The following EIF5B variants were observed in gnomAD, a reference collection of about 807,000 sequenced individuals.
The protein encoded by EIF5B is eIF-5B.
In EIF5B, 47 loss-of-function variants were observed where a neutral mutation model predicts 147.5. The observed-to-expected ratio is 0.32, with a 90% confidence interval of 0.25 to 0.41. The LOEUF (loss-of-function observed/expected upper bound fraction) is 0.41, where lower values mean the gene tolerates loss of function less well. Ranked by LOEUF, EIF5B falls within the 10% of genes least tolerant of loss-of-function variation. The probability of loss-of-function intolerance (pLI) is 1.00; values close to 1 mark genes in which losing one functional copy is unlikely to be tolerated. For missense variants in EIF5B, 1,064 were observed against 1,413.2 expected, an observed-to-expected ratio of 0.75 and a Z score of 3.96; for synonymous variants, 455 against 456.2, an observed-to-expected ratio of 1.00 and a Z score of 0.03.
chr2:99,369,622 T>C, intron 8 of EIF5B, 141 bp downstream of exon 8: 1 of 571,134 alleles, frequency 1.8e-6, no homozygotes, highest in Non-Finnish European at 3.0e-6. Context: ...TTCATAGTTC[T>C]TTCTTTTCTA....
At chr2:99,390,435 T>TG in intron 16 of EIF5B, 34 bp downstream of exon 16, 1 of 1,572,234 alleles carries the variant, frequency 6.4e-7, no homozygotes, top group Non-Finnish European at 8.6e-7. Flanking sequence ...TTGTTTTTTT[T>TG]TTTTTTAAAA....
chr2:99,350,695 C>T (rs867407351), intron 1 of EIF5B, among the ~76,000 whole-genome samples: 5 of 152,088 alleles, frequency 3.3e-5, no homozygotes, highest in African/African-American at 7.2e-5. Context: ...TATTTTCTCC[C>T]GTTCTATAGG....
At chr2:99,396,425 A>C (rs1160700481) in intron 21 of EIF5B, among the ~76,000 whole-genome samples, 1 of 152,208 alleles carries the variant, frequency 6.6e-6, no homozygotes, top group Non-Finnish European at 1.5e-5. Flanking sequence ...TCTAAGCCCC[A>C]GACTGTGGCT....
intron 6 of EIF5B, 147 bp downstream of exon 6, chr2:99,364,568 G>T (rs903351954): frequency 4.3e-6 from 3 of 703,502 alleles, no homozygotes; most frequent in Admixed American, 5.5e-5. Context: ...TAAGGAATAG[G>T]TGATGTCATT....
intron 12 of EIF5B, 100 bp downstream of exon 12, chr2:99,379,528 A>G (rs1674645475): frequency 2.4e-6 from 2 of 826,462 alleles, no homozygotes; most frequent in Admixed American, 3.0e-5. Context: ...TAACAGCTCC[A>G]TATACTCACC....
At chr2:99,371,788 T>C in intron 9 of EIF5B, 58 bp downstream of exon 9, 1 of 1,430,392 alleles carries the variant, frequency 7.0e-7, no homozygotes, top group Non-Finnish European at 9.5e-7. Flanking sequence ...ATGAATGATA[T>C]ATATTTAAAT....
rs1675352551 is a variant in EIF5B, at chr2:99,401,233, G to A, written c.*1819G>A. ...GCTATCAGAGAGCATCAGGCTCTCT[G>A]GTAATATTTATGTAACTTTTAATGT... On this transcript the variant is annotated 3_prime_UTR_variant, in exon 24 of 24. Coordinates refer to ENST00000289371, the MANE Select transcript of EIF5B (RefSeq NM_015904.4). 6.5e-7 allele frequency: 1 copy of A among 1,549,772 alleles called. No individual in the cohort carries two copies. Among genetic ancestry groups the A allele is most frequent in the African/African-American group, 1.4e-5 (1 of 73,586 alleles).
chr2:99,369,210 G>T (rs1674389973), intron 7 of EIF5B, among the ~76,000 whole-genome samples, 182 bp from the exon 8 acceptor site: 2 of 152,186 alleles, frequency 1.3e-5, no homozygotes, highest in African/African-American at 2.4e-5. Flanking sequence ...GGAGGTGGAG[G>T]TTGCAGTGAG....
chr2:99,399,460 G>A lies in EIF5B; in HGVS notation c.*46G>A. The A allele has an allele frequency of 6.4e-7, 1 of 1,550,692 alleles. No homozygotes were observed. Among genetic ancestry groups the A allele is most frequent in the Non-Finnish European group, 8.9e-7 (1 of 1,125,912 alleles). On this transcript the variant is annotated 3_prime_UTR_variant, in exon 24 of 24. Transcript: ENST00000289371. ...ACTGGAGTAAATGCAATACTGTGTT[G>A]TAATATCCCAACAAAAATCAGACAA...
chr2:99,364,120 T>C (rs1674277474), intron 5 of EIF5B, 151 bp from the exon 6 acceptor site: 3 of 1,146,530 alleles, frequency 2.6e-6, no homozygotes, highest in Non-Finnish European at 3.7e-6. Flanking sequence ...AATAATCATG[T>C]ATAACATTTA....
In EIF5B at chr2:99,379,073, A is replaced by G. The variant is rs1306348844; in HGVS notation, c.1897A>G (p.Ile633Val). The G allele has an allele frequency of 7.5e-6, 12 of 1,606,018 alleles. No homozygotes were observed. The South Asian group carries it at 7.9e-5, about 11-fold the overall frequency. Residue 633 changes from isoleucine to valine, a missense_variant, in exon 11 of 24, where the codon ATT (isoleucine) becomes GTT (valine). Physicochemically the swap from Ile to Val is conservative, Grantham distance 29. Around this residue, in one of 4 missense-constraint regions of EIF5B, gnomAD observed 380 missense variants for 715.6 expected, o/e 0.53. Coordinates refer to ENST00000289371, the MANE Select transcript of EIF5B (RefSeq NM_015904.4). ...AAACACCGAAAAGCTAAGAGCCCCTATTATCTGCGTACTTGGGCATGTGGA... is the reference window on the plus strand; with the variant it reads ...AAACACCGAAAAGCTAAGAGCCCCTGTTATCTGCGTACTTGGGCATGTGGA... ...NVNTEKLRAP[I>V]ICVLGHVDTG... is the part of the protein sequence containing the mutation.
Position 99,355,112 on chromosome 2 carries a change from T to G in EIF5B, c.36-5124T>G, listed in dbSNP as rs368643388. On this transcript the variant is annotated intron_variant, in intron 1 of 23. Coordinates refer to ENST00000289371, the MANE Select transcript of EIF5B (RefSeq NM_015904.4). Reference sequence around the variant, plus strand: ...GTCACTGCGCCTGGGCCTAAATGGTTATACTTCTGTGGGACTGTTTTTGGG... The same window carrying G: ...GTCACTGCGCCTGGGCCTAAATGGTGATACTTCTGTGGGACTGTTTTTGGG... Among the ~76,000 whole-genome samples the G allele has an allele frequency of 3.9e-5, 6 of 152,250 alleles. No homozygotes were observed. The East Asian group carries it at 1.2e-3, about 29-fold the overall frequency.
chr2:99,393,127 A>G, intron 18 of EIF5B, 29 bp downstream of exon 18: 1 of 1,482,340 alleles, frequency 6.7e-7, no homozygotes. Context: ...TTTTTTCCTT[A>G]AAAGCTATTT....
At chr2:99,383,695 A>T (rs1237819820) in intron 14 of EIF5B, among the ~76,000 whole-genome samples, 2 of 152,252 alleles carry the variant, frequency 1.3e-5, no homozygotes, top group Non-Finnish European at 2.9e-5. Context: ...AGAAGCTGCA[A>T]CAAGTTATCC....
intron 12 of EIF5B, among the ~76,000 whole-genome samples, chr2:99,381,394 A>G (rs2104227670): frequency 6.6e-6 from 1 of 152,306 alleles, no homozygotes; most frequent in Admixed American, 6.5e-5. Flanking sequence ...TGCTCAGTGA[A>G]CCAGAATGCG....
chr2:99,356,142 A>T (rs1253773753), intron 1 of EIF5B, among the ~76,000 whole-genome samples: 1 of 152,176 alleles, frequency 6.6e-6, no homozygotes, highest in African/African-American at 2.4e-5. Flanking sequence ...CCTATACAGG[A>T]TACCACATTA....
chr2:99,367,941 A>G (rs1027625945), intron 6 of EIF5B, among the ~76,000 whole-genome samples: 1 of 152,234 alleles, frequency 6.6e-6, no homozygotes, highest in Non-Finnish European at 1.5e-5. Flanking sequence ...TGCTTTATTC[A>G]TAATTGCAAA....
At position 99,394,725 on chromosome 2, in the gene EIF5B, A is replaced by G. The variant is rs371700775; in HGVS notation, c.3096A>G (p.Ala1032=). Reference sequence around the variant, plus strand: ...ATGTGTTTTAACCTTTTAGGTATGCAGTAATTTTGGCCTTCGATGTGAGAA... The same window carrying G: ...ATGTGTTTTAACCTTTTAGGTATGCGGTAATTTTGGCCTTCGATGTGAGAA... ...SVMLEHDPQY[A]VILAFDVRIE... is the part of the protein sequence containing the mutation. The change falls in exon 21 of 24, where the codon GCA becomes GCG. Residue 1032 remains alanine (A), a synonymous_variant. Coordinates refer to ENST00000289371, the MANE Select transcript of EIF5B (RefSeq NM_015904.4). 7 of 1,611,578 alleles carry G rather than the reference A, an allele frequency of 4.3e-6. No homozygotes were observed. Among genetic ancestry groups the G allele is most frequent in the Non-Finnish European group, 5.9e-6 (7 of 1,179,336 alleles).
chr2:99,350,660 C>G (rs1317437972), intron 1 of EIF5B, among the ~76,000 whole-genome samples: 1 of 151,946 alleles, frequency 6.6e-6, no homozygotes, highest in Non-Finnish European at 1.5e-5. Context: ...GATATTAACC[C>G]CTTGTTAGAT....
Sources: allele counts gnomAD v4.1 joint callset (sites outside exome capture counted in the v4.1 genomes callset), GRCh38; gene constraint gnomAD v4.1.1; regional missense constraint gnomAD v4.1.1; transcripts MANE v1.5; gene names NCBI Gene and HGNC (gene_info 2026-07-23, HGNC 2026-07-21).